FBXO36: variants seen among roughly 807,000 people sequenced by gnomAD.
FBXO36 encodes the protein F-box only protein 36.
Under a neutral mutation model 17.0 loss-of-function variants are expected in FBXO36, and 18 were observed. The observed-to-expected ratio is 1.06, with a 90% CI of 0.73 to 1.57. FBXO36 has a LOEUF of 1.57. Among genes scored for constraint, FBXO36 ranks in the 40% most tolerant of loss-of-function variants. FBXO36 has a pLI of 0.00. For synonymous variants in FBXO36, 83 were observed against 85.3 expected, an observed-to-expected ratio of 0.97 and a Z score of 0.15; for missense variants, 229 against 221.9, an observed-to-expected ratio of 1.03 and a Z score of -0.20.
chr2:229,924,237 C>T (rs1404953188), intron 1 of FBXO36, among the ~76,000 whole-genome samples: 5 of 152,134 alleles, frequency 3.3e-5, no homozygotes, highest in Non-Finnish European at 2.9e-5. Flanking sequence ...GGATTACAGG[C>T]GTGCGCCACC....
intron 3 of FBXO36, among the ~76,000 whole-genome samples, chr2:230,008,967 T>C (rs536204003): frequency 5.3e-5 from 8 of 152,356 alleles, no homozygotes; most frequent in African/African-American, 1.9e-4. Flanking sequence ...GTTGTGTTGA[T>C]GTTTGCGCAG....
chr2:229,930,464 C>G (rs1357434530), intron 1 of FBXO36, among the ~76,000 whole-genome samples: 1 of 152,076 alleles, frequency 6.6e-6, no homozygotes, highest in Non-Finnish European at 1.5e-5. Flanking sequence ...AAGAGAGATG[C>G]TTTAGGCTGG....
intron 3 of FBXO36, among the ~76,000 whole-genome samples, chr2:230,000,851 C>CTTTT (rs71049612): frequency 9.5e-4 from 85 of 89,360 alleles, no homozygotes; most frequent in African/African-American, 1.7e-3. Flanking sequence ...AACCACTTTT[C>CTTTT]TTTTTTTTTT....
chr2:229,999,773 GT>G lies in FBXO36; in HGVS notation c.378+2857del, dbSNP rs1280288271. 3.3e-5 allele frequency among the ~76,000 whole-genome samples: 5 copies of G among 151,756 alleles called. No individual in the cohort carries two copies. In the East Asian group the frequency reaches 5.8e-4, roughly 18 times the overall value. On this transcript the variant is annotated intron_variant, in intron 3 of 3. Coordinates refer to ENST00000283946, the MANE Select transcript of FBXO36 (RefSeq NM_174899.5). ...TACACAGGTAAACTCATGTCACAGG[GT>G]TTTTTTGTACAGATTATTTAATCAC...
intron 1 of FBXO36, among the ~76,000 whole-genome samples, chr2:229,926,320 A>T (rs1397893236): frequency 6.6e-6 from 1 of 151,350 alleles, no homozygotes. Flanking sequence ...AGTCCTAGCT[A>T]CTCGGGAGGC....
At chr2:230,000,722 C>A (rs143261674) in intron 3 of FBXO36, among the ~76,000 whole-genome samples, 5 of 152,194 alleles carry the variant, frequency 3.3e-5, no homozygotes, top group African/African-American at 1.2e-4. Flanking sequence ...TTAGCCAGTG[C>A]TCTGAAGTAG....
At position 229,973,379 on chromosome 2, in the gene FBXO36, G is replaced by C. The variant is rs954499092; in HGVS notation, c.97-2862G>C. ...TACAGGGAAGATTAGAATGGCCCCC[G>C]CGCAAGGATGACATGGAAATTCATG... is the stretch of plus-strand genomic sequence containing the variant. On this transcript the variant is annotated intron_variant, in intron 1 of 3. Coordinates refer to ENST00000283946, the MANE Select transcript of FBXO36 (RefSeq NM_174899.5). 14 of 152,072 alleles carry C rather than the reference G, an allele frequency of 9.2e-5. 1 individual carries two copies. The highest frequency in any genetic ancestry group is 1.6e-4 in the Non-Finnish European group (11 of 68,028). The allele number at this position is 152,072 out of a possible 1,614,324, so 9.4% of individuals were successfully genotyped here.
intron 3 of FBXO36, among the ~76,000 whole-genome samples, chr2:230,009,882 G>A (rs1412144160): frequency 6.6e-6 from 1 of 151,962 alleles, no homozygotes; most frequent in African/African-American, 2.4e-5. Context: ...GTAGGCGGAG[G>A]TTGCAGTGAG....
chr2:230,003,127 T>C lies in FBXO36; in HGVS notation c.378+6204T>C, dbSNP rs2077368808. On this transcript the variant is annotated intron_variant, in intron 3 of 3. Coordinates refer to ENST00000283946, the MANE Select transcript of FBXO36 (RefSeq NM_174899.5). ...ACTCAGGTTGAGGCAAGAGAATCGC[T>C]TGAACCCAGGAGGCGGAGATTGCAG... Among the ~76,000 whole-genome samples, 3 of 150,322 alleles carry C rather than the reference T, an allele frequency of 2.0e-5. No homozygotes were observed. In the South Asian group the frequency reaches 6.3e-4, roughly 31 times the overall value.
intron 3 of FBXO36, among the ~76,000 whole-genome samples, chr2:230,003,964 C>T (rs2077373284): frequency 6.6e-6 from 1 of 152,202 alleles, no homozygotes; most frequent in Non-Finnish European, 1.5e-5. Context: ...GTACTCTGGT[C>T]ATGCCATTGT....
intron 3 of FBXO36, among the ~76,000 whole-genome samples, chr2:230,007,408 T>G (rs1446335541): frequency 2.6e-5 from 4 of 152,164 alleles, no homozygotes; most frequent in African/African-American, 9.7e-5. Context: ...TTTCCTCATG[T>G]CTACAAACCC....
At chr2:229,986,772 T>C (rs1577356294) in intron 2 of FBXO36, among the ~76,000 whole-genome samples, 1 of 151,456 alleles carries the variant, frequency 6.6e-6, no homozygotes, top group African/African-American at 2.4e-5. Context: ...TGACCTCAGG[T>C]GATCCACCCA....
At chr2:229,958,900 C>T (rs1375066723) in intron 1 of FBXO36, among the ~76,000 whole-genome samples, 2 of 152,198 alleles carry the variant, frequency 1.3e-5, no homozygotes, top group African/African-American at 4.8e-5. Context: ...CCTCCCAAAA[C>T]ATTGTGACCA....
rs146590961 is a variant in FBXO36, at chr2:229,981,504, G to A, written c.205+5155G>A. On this transcript the variant is annotated intron_variant, in intron 2 of 3. Coordinates refer to ENST00000283946, the MANE Select transcript of FBXO36 (RefSeq NM_174899.5). ...GCGGATCACTTGAAGCCAGGAGTTC[G>A]AGACCAACCTGGCAAACATGGCAAA... Among the ~76,000 whole-genome samples, 208 of 151,688 alleles carry A rather than the reference G, an allele frequency of 1.4e-3. 1 individual carries two copies. Among genetic ancestry groups the A allele is most frequent in the African/African-American group, 4.1e-3 (168 of 41,350 alleles).
intron 2 of FBXO36, among the ~76,000 whole-genome samples, chr2:229,979,995 A>G (rs747921848): frequency 2.6e-5 from 4 of 152,154 alleles, no homozygotes; most frequent in Non-Finnish European, 4.4e-5. Flanking sequence ...GCAGCTCACT[A>G]TAAAGTAAAC....
At chr2:229,935,252 C>A (rs1017286595) in intron 1 of FBXO36, among the ~76,000 whole-genome samples, 1 of 152,176 alleles carries the variant, frequency 6.6e-6, no homozygotes, top group African/African-American at 2.4e-5. Flanking sequence ...ATAATTGGAG[C>A]AGAGAGTAAG....
At chr2:229,959,419 G>T (rs1218225951) in intron 1 of FBXO36, among the ~76,000 whole-genome samples, 1 of 152,142 alleles carries the variant, frequency 6.6e-6, no homozygotes, top group African/African-American at 2.4e-5. Flanking sequence ...TTTGCTTTCA[G>T]AAAACCTGCC....
chr2:229,978,543 C>T (rs962314734), intron 2 of FBXO36, among the ~76,000 whole-genome samples: 44 of 149,052 alleles, frequency 3.0e-4, no homozygotes, highest in African/African-American at 1.0e-3. Context: ...GCCGAGATCA[C>T]GCCGTTGCAC....
intron 2 of FBXO36, among the ~76,000 whole-genome samples, chr2:229,987,155 G>C (rs2077272481): frequency 6.7e-6 from 1 of 150,026 alleles, no homozygotes. Context: ...AGGCTGCAGT[G>C]AGTCAAGATT....
Sources: gnomAD v4.1 joint callset for allele counts (sites outside exome capture counted in the v4.1 genomes callset) on GRCh38, gnomAD v4.1.1 for gene constraint, MANE v1.5 for transcripts, NCBI Gene and HGNC (gene_info 2026-07-23, HGNC 2026-07-21) for gene names.